KCNMA1: variants seen among roughly 807,000 people sequenced by gnomAD.
The protein encoded by KCNMA1 is Calcium-activated potassium channel subunit alpha-1.
In KCNMA1, 29 loss-of-function variants were observed where a neutral mutation model predicts 140.0. That is an observed-to-expected ratio of 0.21 (90% confidence interval 0.15 to 0.28). KCNMA1 has a LOEUF of 0.28. KCNMA1 is among the 10% of genes least tolerant of loss of function. The pLI is 1.00. For missense variants in KCNMA1, 880 were observed against 1,602.2 expected, an observed-to-expected ratio of 0.55 and a Z score of 7.70; for synonymous variants, 612 against 611.9, an observed-to-expected ratio of 1.00 and a Z score of 0.00.
intron 2 of KCNMA1, among the ~76,000 whole-genome samples, chr10:77,335,261 A>C (rs1385410442): frequency 6.6e-6 from 1 of 152,222 alleles, no homozygotes; most frequent in African/African-American, 2.4e-5. Flanking sequence ...TTACCCACTG[A>C]GAGTCCCTGT....
At chr10:77,560,376 G>C (rs2065959363) in intron 1 of KCNMA1, among the ~76,000 whole-genome samples, 1 of 152,206 alleles carries the variant, frequency 6.6e-6, no homozygotes, top group Non-Finnish European at 1.5e-5. Flanking sequence ...ATTGGGTTGA[G>C]AAAGAAAAGG....
intron 6 of KCNMA1, among the ~76,000 whole-genome samples, chr10:77,114,411 G>T (rs903521356): frequency 6.6e-6 from 1 of 152,162 alleles, no homozygotes. Context: ...CTGTCAGCAG[G>T]TCACTTCACT....
chr10:77,037,900 T>G (rs985621902), intron 15 of KCNMA1, among the ~76,000 whole-genome samples: 7 of 152,228 alleles, frequency 4.6e-5, no homozygotes, highest in African/African-American at 1.2e-4. Flanking sequence ...CAGGACCCAA[T>G]GCCTCTGAAT....
chr10:77,367,129 C>T (rs1169234690), intron 2 of KCNMA1, among the ~76,000 whole-genome samples: 2 of 152,118 alleles, frequency 1.3e-5, no homozygotes, highest in South Asian at 4.1e-4. Flanking sequence ...CTGGCAGGGT[C>T]GGGGATGGCT....
intron 2 of KCNMA1, chr10:77,355,052 A>T (rs538782816): frequency 6.6e-6 from 1 of 152,322 alleles, no homozygotes; most frequent in African/African-American, 2.4e-5. Flanking sequence ...AATCTGAATC[A>T]CGGGGTGGTT....
At chr10:77,495,344 C>A (rs962293308) in intron 1 of KCNMA1, among the ~76,000 whole-genome samples, 16 of 152,164 alleles carry the variant, frequency 1.1e-4, no homozygotes, top group African/African-American at 3.9e-4. Flanking sequence ...CCTGACTTGG[C>A]CTGTCTCCCT....
intron 2 of KCNMA1, among the ~76,000 whole-genome samples, chr10:77,256,708 C>T (rs554661419): frequency 1.2e-3 from 181 of 152,262 alleles, no homozygotes; most frequent in African/African-American, 4.1e-3. Flanking sequence ...AATGATTCTG[C>T]ATGTTTGATC....
intron 2 of KCNMA1, among the ~76,000 whole-genome samples, chr10:77,297,768 C>T (rs943146338): frequency 7.2e-5 from 11 of 152,278 alleles, no homozygotes; most frequent in Admixed American, 7.2e-4. Flanking sequence ...TGTTTGCTCT[C>T]CCATTCCTCT....
intron 2 of KCNMA1, among the ~76,000 whole-genome samples, chr10:77,259,446 GAATCCCTCCTTA>G (rs1215211114): frequency 6.6e-6 from 1 of 152,050 alleles, no homozygotes; most frequent in East Asian, 1.9e-4. Flanking sequence ...AAATCGGAGA[GAATCCCTCCTTA>G]AATCACCTCA....
intron 1 of KCNMA1, among the ~76,000 whole-genome samples, chr10:77,406,353 G>C (rs2096471950): frequency 6.6e-6 from 1 of 152,118 alleles, no homozygotes; most frequent in African/African-American, 2.4e-5. Context: ...CAGCCCCTCA[G>C]GCATTGTCAG....
chr10:76,969,670 C>T (rs998752031), intron 20 of KCNMA1, among the ~76,000 whole-genome samples: 10 of 152,228 alleles, frequency 6.6e-5, no homozygotes, highest in African/African-American at 2.2e-4. Context: ...AGTGCCACTG[C>T]TGTTTAGGAA....
intron 1 of KCNMA1, among the ~76,000 whole-genome samples, chr10:77,582,947 C>T (rs1482094848): frequency 2.6e-5 from 4 of 152,358 alleles, no homozygotes; most frequent in East Asian, 1.9e-4. Flanking sequence ...CAGCCCCATC[C>T]GCCAATAGCA....
At chr10:76,985,648 A>G (rs987794799) in intron 19 of KCNMA1, among the ~76,000 whole-genome samples, 1 of 152,238 alleles carries the variant, frequency 6.6e-6, no homozygotes, top group African/African-American at 2.4e-5. Context: ...TTTCAGGAAA[A>G]GATCACACAA....
At chr10:77,191,366 A>C (rs1055190080) in intron 3 of KCNMA1, among the ~76,000 whole-genome samples, 1 of 152,112 alleles carries the variant, frequency 6.6e-6, no homozygotes, top group Non-Finnish European at 1.5e-5. Flanking sequence ...TATATAGAAC[A>C]TTTTCTCCTG....
intron 18 of KCNMA1, among the ~76,000 whole-genome samples, chr10:77,007,653 G>GTATATATATATATATATATATATATATA (rs60937323): frequency 5.7e-5 from 5 of 88,480 alleles, no homozygotes; most frequent in South Asian, 3.9e-4. Context: ...TTGTGTGTGT[G>GTATATATATATATATATATATATATATA]TATATATATA....
intron 1 of KCNMA1, among the ~76,000 whole-genome samples, chr10:77,448,103 T>G (rs761119255): frequency 6.6e-6 from 1 of 152,120 alleles, no homozygotes; most frequent in Non-Finnish European, 1.5e-5. Context: ...CAGAAATAGA[T>G]ATCCAGAGTG....
At chr10:77,232,531 T>C (rs1367968492) in intron 3 of KCNMA1, among the ~76,000 whole-genome samples, 1 of 152,260 alleles carries the variant, frequency 6.6e-6, no homozygotes, top group African/African-American at 2.4e-5. Flanking sequence ...CATCTTTTCA[T>C]GTGCTTCTTG....
intron 1 of KCNMA1, among the ~76,000 whole-genome samples, chr10:77,603,938 G>A (rs184020873): frequency 2.8e-4 from 43 of 152,338 alleles, no homozygotes; most frequent in African/African-American, 1.0e-3. Flanking sequence ...TGAGGTTAAT[G>A]ACATTTCCTG....
intron 1 of KCNMA1, chr10:77,587,070 G>C (rs753890458): frequency 1.1e-4 from 16 of 152,190 alleles, no homozygotes; most frequent in Non-Finnish European, 1.3e-4. Flanking sequence ...TACCACCCTG[G>C]ACACACCTGA....
Sources: allele counts gnomAD v4.1 joint callset (sites outside exome capture counted in the v4.1 genomes callset), GRCh38; gene constraint gnomAD v4.1.1; transcripts MANE v1.5; gene names NCBI Gene and HGNC (gene_info 2026-07-23, HGNC 2026-07-21).